Variants in BICC1 observed in about 807,000 individuals in gnomAD.
The protein encoded by BICC1 is protein bicaudal C homolog 1.
A neutral mutation model predicts 111.0 loss-of-function variants in BICC1; 43 were observed. That is an observed-to-expected ratio of 0.39 (90% CI 0.30 to 0.50). BICC1 has a LOEUF of 0.50. BICC1 is among the 20% of genes least tolerant of loss of function. The probability of loss-of-function intolerance (pLI) is 0.88; values close to 1 mark genes in which losing one functional copy is unlikely to be tolerated. For missense variants in BICC1, 1,091 were observed against 1,203.2 expected (o/e 0.91, Z 1.38); for synonymous variants, 467 against 434.4 (o/e 1.07, Z -0.93).
rs1842258229 is a variant in BICC1, at chr10:58,759,883, T to C, written c.308-25118T>C. 2.7e-5 allele frequency among the ~76,000 whole-genome samples: 4 copies of C among 149,684 alleles called. No individual in the cohort carries two copies. The South Asian group carries it at 8.5e-4, about 32-fold the overall frequency. On this transcript the variant is annotated intron_variant, in intron 3 of 20. Transcript: ENST00000373886. The stretch of plus-strand genomic sequence containing the variant: ...CTGAGGCAGGGGAATGGCGTGGACC[T>C]GGGAGGCGGAGCTTGCAGTGAGCCG...
intron 2 of BICC1, among the ~76,000 whole-genome samples, chr10:58,682,868 G>A (rs1008611747): frequency 6.6e-6 from 1 of 152,110 alleles, no homozygotes; most frequent in African/African-American, 2.4e-5. Flanking sequence ...TTTGCTGTGT[G>A]CAGAAGATAT....
At chr10:58,739,902 T>G (rs1463141580) in intron 3 of BICC1, among the ~76,000 whole-genome samples, 2 of 152,324 alleles carry the variant, frequency 1.3e-5, no homozygotes, top group East Asian at 3.9e-4. Context: ...ATTTGACAGT[T>G]GGAACAAGTC....
chr10:58,799,096 C>A lies in BICC1; in HGVS notation c.1569C>A (p.Ala523=). ...CACACCTTATGATTCCATCTACTGC[C>A]CAAGCCACATTAACTAATATTTTGT... The part of the protein sequence containing the change: ...AIPHLMIPST[A]QATLTNILLS... The change falls in exon 12 of 21, where the codon GCC becomes GCA. Residue 523 remains alanine (A), a synonymous_variant. Transcript: ENST00000373886. 1 of 1,613,406 alleles carries A rather than the reference C, an allele frequency of 6.2e-7. No homozygotes were observed.
chr10:58,685,376 A>T (rs900953926), intron 2 of BICC1, among the ~76,000 whole-genome samples: 1 of 152,204 alleles, frequency 6.6e-6, no homozygotes. Context: ...GTAGATGTCT[A>T]TTAGGTCCGC....
intron 3 of BICC1, among the ~76,000 whole-genome samples, chr10:58,721,211 G>C (rs369832114): frequency 2.3e-3 from 352 of 152,254 alleles, no homozygotes; most frequent in Admixed American, 8.6e-3. Context: ...CCCCCAGCAG[G>C]AATGTGGCAT....
intron 1 of BICC1, among the ~76,000 whole-genome samples, chr10:58,547,164 C>A (rs553424761): frequency 1.3e-5 from 2 of 152,260 alleles, no homozygotes; most frequent in Non-Finnish European, 2.9e-5. Context: ...ACAGTCCATA[C>A]TTTATTCAGA....
At position 58,732,379 on chromosome 10, in the gene BICC1, GTATATATATATATATA is replaced by G. The variant is rs1163026692; in HGVS notation, c.307+30283_307+30298del. Among the ~76,000 whole-genome samples the G allele has an allele frequency of 1.8e-3, 137 of 75,748 alleles. 3 individuals are homozygous for G. Among genetic ancestry groups the G allele is most frequent in the African/African-American group, 4.4e-3 (62 of 13,970 alleles). The allele number at this position is 75,748 out of a possible 152,430, so 49.7% of individuals were successfully genotyped here. A position where few individuals can be genotyped will look rare whatever the true frequency, so the allele number is the denominator to read the frequency against. On this transcript the variant is annotated intron_variant, in intron 3 of 20. Transcript: ENST00000373886. ...TGTGTGTGTGTGTGTGTGTGTGTATGTATATATATATATATATATATATATATATATATATATATAT... is the reference window on the plus strand; with the variant it reads ...TGTGTGTGTGTGTGTGTGTGTGTATGTATATATATATATATATATATATAT...
chr10:58,824,731 C>T (rs989821842), intron 20 of BICC1, among the ~76,000 whole-genome samples: 2 of 152,082 alleles, frequency 1.3e-5, no homozygotes, highest in Non-Finnish European at 2.9e-5. Context: ...TGCTCTAGCC[C>T]CTCAAAGAGA....
intron 1 of BICC1, among the ~76,000 whole-genome samples, chr10:58,559,033 C>G (rs1843534733): frequency 6.6e-6 from 1 of 151,970 alleles, no homozygotes; most frequent in South Asian, 2.1e-4. Flanking sequence ...ATATTCAAAC[C>G]ATAGCACTTA....
In BICC1 at chr10:58,803,259, A is replaced by C; in HGVS notation, c.2181+17A>C. 6.4e-7 allele frequency: 1 copy of C among 1,566,402 alleles called. No individual in the cohort carries two copies. The highest frequency in any genetic ancestry group is 1.7e-4 in the Middle Eastern group (1 of 5,880). ...AACATGCAGGTAATGGTAATAAAATAGGAAAGCCACTCAAATGTCATATGT... is the reference window on the plus strand; with the variant it reads ...AACATGCAGGTAATGGTAATAAAATCGGAAAGCCACTCAAATGTCATATGT... On this transcript the variant is annotated intron_variant, in intron 15 of 20. Coordinates refer to ENST00000373886, the MANE Select transcript of BICC1 (RefSeq NM_001080512.3).
At chr10:58,716,620 CATCTTTAAGATGTA>C (rs1471762816) in intron 3 of BICC1, among the ~76,000 whole-genome samples, 1 of 152,106 alleles carries the variant, frequency 6.6e-6, no homozygotes, top group Non-Finnish European at 1.5e-5. Flanking sequence ...AATCTGGATA[CATCTTTAAGATGTA>C]ATCAGAAATG....
intron 2 of BICC1, among the ~76,000 whole-genome samples, chr10:58,683,439 G>A (rs1260569200): frequency 6.6e-6 from 1 of 152,166 alleles, no homozygotes; most frequent in African/African-American, 2.4e-5. Flanking sequence ...TAGCTTGATG[G>A]GGATGGCATT....
chr10:58,728,639 T>G (rs1337245480), intron 3 of BICC1, among the ~76,000 whole-genome samples: 1 of 152,106 alleles, frequency 6.6e-6, no homozygotes, highest in African/African-American at 2.4e-5. Flanking sequence ...GGTTTTCAAT[T>G]TACTTTGCCG....
chr10:58,540,419 AAAAG>A (rs558300120), intron 1 of BICC1, among the ~76,000 whole-genome samples: 280 of 152,142 alleles, frequency 1.8e-3, no homozygotes, highest in African/African-American at 6.3e-3. Flanking sequence ...CAAAAATCAG[AAAAG>A]AAAGAAGAGA....
At chr10:58,537,429 T>A (rs1251632405) in intron 1 of BICC1, among the ~76,000 whole-genome samples, 1 of 151,652 alleles carries the variant, frequency 6.6e-6, no homozygotes, top group Non-Finnish European at 1.5e-5. Context: ...TGATAAAATC[T>A]GGTATCCCTT....
intron 1 of BICC1, among the ~76,000 whole-genome samples, chr10:58,607,948 C>T (rs1263825146): frequency 1.3e-5 from 2 of 152,118 alleles, no homozygotes; most frequent in East Asian, 1.9e-4. Context: ...AGCTGTCCTT[C>T]CTGGTTTTCA....
chr10:58,769,857 A>G (rs1277395329), intron 3 of BICC1, among the ~76,000 whole-genome samples: 1 of 152,072 alleles, frequency 6.6e-6, no homozygotes, highest in Non-Finnish European at 1.5e-5. Context: ...CTAAATTTCT[A>G]AAAATGGTCA....
chr10:58,807,836 G>C (rs980733548), intron 17 of BICC1, among the ~76,000 whole-genome samples: 3 of 152,118 alleles, frequency 2.0e-5, no homozygotes, highest in Non-Finnish European at 4.4e-5. Flanking sequence ...TGGGTCTAGA[G>C]AGAGCGTGCA....
At chr10:58,683,662 C>A (rs1589016481) in intron 2 of BICC1, among the ~76,000 whole-genome samples, 1 of 151,990 alleles carries the variant, frequency 6.6e-6, no homozygotes, top group African/African-American at 2.4e-5. Context: ...GGAGTTCACT[C>A]ATGATTTGGC....
Sources: gnomAD v4.1 joint callset for allele counts (sites outside exome capture counted in the v4.1 genomes callset) on GRCh38, gnomAD v4.1.1 for gene constraint, MANE v1.5 for transcripts, NCBI Gene and HGNC (gene_info 2026-07-23, HGNC 2026-07-21) for gene names.